Variants in CIMAP1A observed in about 807,000 individuals in gnomAD.
CIMAP1A encodes ciliary microtubule associated protein 1A, also known as cancer/testis antigen 135.
At chr11:197,125 C>T in the CIMAP1A span, 2 of 549,374 alleles carry the variant, frequency 3.6e-6, no homozygotes, top group Non-Finnish European at 6.5e-6. Context: ...ATGCAGAAAG[C>T]TCCTACTGTC....
At chr11:198,464 G>A in the CIMAP1A span, 1 of 1,613,242 alleles carries the variant, frequency 6.2e-7, no homozygotes, top group Non-Finnish European at 8.5e-7. Context: ...CACCCTGCAG[G>A]CCCCGCTGCG....
chr11:199,813 A>G, the CIMAP1A span: 216,035 of 1,470,692 alleles, frequency 0.15, 17,733 homozygotes, highest in South Asian at 0.34. Flanking sequence ...TCTGTGTTCA[A>G]ACCTGGGAGC....
the CIMAP1A span, chr11:197,290 C>G: frequency 6.5e-7 from 1 of 1,548,654 alleles, no homozygotes; most frequent in East Asian, 2.4e-5. Flanking sequence ...CTCTCACTTA[C>G]GGACAGAGCT....
the CIMAP1A span, chr11:199,990 A>C: frequency 1.2e-6 from 2 of 1,614,056 alleles, no homozygotes; most frequent in East Asian, 2.2e-5. Context: ...TTCGGCATCA[A>C]ACACTCTGAT....
At chr11:197,897 CTT>C in the CIMAP1A span, 21 of 1,492,960 alleles carry the variant, frequency 1.4e-5, no homozygotes, top group Middle Eastern at 3.5e-4. Flanking sequence ...ATCTTTCTCT[CTT>C]GAGGGGTCAC....
chr11:200,164 A>C, the CIMAP1A span: 3 of 756,450 alleles, frequency 4.0e-6, no homozygotes, highest in East Asian at 8.3e-5. Context: ...TTGTTTGGGC[A>C]ATTGTAATCA....
the CIMAP1A span, chr11:198,295 C>G: frequency 6.2e-7 from 1 of 1,613,974 alleles, no homozygotes; most frequent in Non-Finnish European, 8.5e-7. Context: ...GTGGACAGCA[C>G]CCCAGGTCCG....
the CIMAP1A span, chr11:200,148 G>A: frequency 1.0e-6 from 1 of 980,574 alleles, no homozygotes; most frequent in Non-Finnish European, 1.5e-6. Flanking sequence ...GCAGGGCAGA[G>A]CACGCTTGTT....
At chr11:198,859 A>C in the CIMAP1A span, 3 of 1,329,184 alleles carry the variant, frequency 2.3e-6, no homozygotes, top group African/African-American at 3.0e-5. Flanking sequence ...GAGAGAGGCA[A>C]TCTTAGATAG....
the CIMAP1A span, chr11:198,976 GC>G: frequency 8.4e-7 from 1 of 1,190,254 alleles, no homozygotes; most frequent in South Asian, 2.3e-5. Flanking sequence ...GGTGGCACAT[GC>G]CTGAGAGCTT....
the CIMAP1A span, chr11:198,704 T>G: frequency 6.7e-7 from 1 of 1,496,572 alleles, no homozygotes. Flanking sequence ...CCCTCAGCCC[T>G]TCACCCTCTG....
the CIMAP1A span, chr11:199,403 T>A: frequency 1.3e-6 from 2 of 1,575,412 alleles, no homozygotes; most frequent in Non-Finnish European, 1.7e-6. Flanking sequence ...CAAACTGATG[T>A]GCGGGTGACC....
the CIMAP1A span, chr11:197,342 A>G: frequency 1.3e-6 from 2 of 1,593,588 alleles, no homozygotes; most frequent in Non-Finnish European, 1.7e-6. Context: ...TGGAGGCCCC[A>G]TCGCCCCCGG....
chr11:200,083 C>G, the CIMAP1A span: 2 of 1,593,482 alleles, frequency 1.3e-6, no homozygotes, highest in Non-Finnish European at 8.6e-7. Context: ...CAAGATCCGC[C>G]GGGCCACAGA....
chr11:199,217 C>T, the CIMAP1A span: 5 of 1,461,858 alleles, frequency 3.4e-6, no homozygotes, highest in Non-Finnish European at 4.5e-6. Flanking sequence ...GGTGTGATCT[C>T]CACAGTGTGA....
the CIMAP1A span, chr11:198,635 C>A: frequency 6.4e-7 from 1 of 1,559,430 alleles, no homozygotes; most frequent in African/African-American, 1.4e-5. Flanking sequence ...ACCATCTGAA[C>A]CCTCCCCCGG....
the CIMAP1A span, chr11:197,299 C>T: frequency 1.3e-6 from 2 of 1,564,068 alleles, no homozygotes. Flanking sequence ...ACGGACAGAG[C>T]TGGCCATGAC....
chr11:200,198 T>C, the CIMAP1A span: 3 of 618,858 alleles, frequency 4.8e-6, no homozygotes, highest in Non-Finnish European at 8.3e-6. Context: ...TATGCTATTT[T>C]ACCATTTTTT....
chr11:199,861 A>G, the CIMAP1A span: 1 of 1,549,416 alleles, frequency 6.5e-7, no homozygotes, highest in Non-Finnish European at 8.7e-7. Context: ...TTCAGGAAGG[A>G]CAGCAGCCCA....
Sources: allele counts gnomAD v4.1 joint callset, GRCh38; gene constraint gnomAD v4.1.1; transcripts MANE v1.5; gene names NCBI Gene and HGNC (gene_info 2026-07-23, HGNC 2026-07-21).